Variants in IL27RA observed in about 807,000 individuals in gnomAD.
IL27RA encodes interleukin-27 receptor subunit alpha.
IL27RA carries 61 observed loss-of-function variants against 80.8 expected under a neutral mutation model. The ratio of observed to expected loss-of-function variants is 0.76; its 90% CI spans 0.61 to 0.93. The LOEUF (loss-of-function observed/expected upper bound fraction) is 0.93, where lower values mean the gene tolerates loss of function less well. Ranked by LOEUF, IL27RA falls within the 40% of genes least tolerant of loss-of-function variation. The probability of loss-of-function intolerance (pLI) is 0.00; values close to 1 mark genes in which losing one functional copy is unlikely to be tolerated. For missense variants in IL27RA, 735 were observed against 808.1 expected, an observed-to-expected ratio of 0.91 and a Z score of 1.10; for synonymous variants, 316 against 332.5, an observed-to-expected ratio of 0.95 and a Z score of 0.54.
chr19:14,033,676 A>T (rs185614483), intron 2 of IL27RA, among the ~76,000 whole-genome samples: 23 of 126,002 alleles, frequency 1.8e-4, no homozygotes, highest in Non-Finnish European at 3.4e-4. Flanking sequence ...AAAAAATTTT[A>T]AAAAATAAAA....
intron 2 of IL27RA, among the ~76,000 whole-genome samples, chr19:14,034,592 AG>A (rs1305483839): frequency 6.6e-6 from 1 of 151,002 alleles, no homozygotes; most frequent in African/African-American, 2.4e-5. Context: ...CTCGGGAGGC[AG>A]AGGTTGGAGT....
intron 1 of IL27RA, 100 bp from the exon 2 acceptor site, chr19:14,032,286 C>G: frequency 1.1e-6 from 1 of 928,790 alleles, no homozygotes; most frequent in Non-Finnish European, 1.7e-6. Flanking sequence ...TTCCCTAAGC[C>G]CCCCCACCTT....
chr19:14,033,838 C>T (rs1442268840), intron 2 of IL27RA, among the ~76,000 whole-genome samples: 1 of 151,514 alleles, frequency 6.6e-6, no homozygotes, highest in East Asian at 1.9e-4. Flanking sequence ...GTGGTGCATG[C>T]CTGTAATCCC....
intron 2 of IL27RA, among the ~76,000 whole-genome samples, chr19:14,034,952 CAA>C (rs71170590): frequency 1.2e-3 from 174 of 143,360 alleles, no homozygotes; most frequent in Middle Eastern, 3.5e-3. Flanking sequence ...GACTCCGTCT[CAA>C]AAAAAAAAAA....
Position 14,052,199 on chromosome 19 carries a change from C to T in IL27RA, c.1820C>T (p.Ala607Val), listed in dbSNP as rs377689784. 13 of 1,607,782 alleles carry T rather than the reference C, an allele frequency of 8.1e-6. No homozygotes were observed. The South Asian group carries it at 1.4e-4, about 18-fold the overall frequency. ...TCCTCCCAGCCCGCCCAGGCCACCG[C>T]CCCGCTTGACTCTGGGTATGAGAAG... ...MESSQPAQATAPLDSGYEKHF... is the reference protein window; with the variant it reads ...MESSQPAQATVPLDSGYEKHF... The change falls in exon 14 of 14, where the codon GCC becomes GTC. Residue 607 changes from alanine to valine, a missense_variant. Physicochemically the swap from Ala to Val is moderately conservative, Grantham distance 64. Coordinates refer to ENST00000263379, the MANE Select transcript of IL27RA (RefSeq NM_004843.4).
chr19:14,041,595 AGTTCCCTC>A (rs1230563125), intron 4 of IL27RA, among the ~76,000 whole-genome samples: 1 of 152,154 alleles, frequency 6.6e-6, no homozygotes, highest in East Asian at 1.9e-4. Context: ...TCTGGGCCTC[AGTTCCCTC>A]GTCTGTAAAA....
In IL27RA at chr19:14,044,781, T is replaced by C. The variant is rs62122122; in HGVS notation, c.769-1373T>C. Among the ~76,000 whole-genome samples, 807 of 150,772 alleles carry C rather than the reference T, an allele frequency of 5.4e-3. 7 individuals are homozygous for C. The highest frequency in any genetic ancestry group is 7.5e-3 in the Non-Finnish European group (509 of 67,706). On this transcript the variant is annotated intron_variant, in intron 6 of 13. Transcript: ENST00000263379. ...CAGGAGGACCACTTGAGGCCAGGAG[T>C]TCGAGACCAGCCTGGGCAACATAGC...
intron 2 of IL27RA, among the ~76,000 whole-genome samples, chr19:14,036,489 CTT>C (rs34609073): frequency 2.2e-4 from 30 of 135,328 alleles, no homozygotes; most frequent in Non-Finnish European, 2.5e-4. Flanking sequence ...ACAGGATTTC[CTT>C]TTTTTTTTTT....
At chr19:14,044,708 C>G (rs959870436) in intron 6 of IL27RA, among the ~76,000 whole-genome samples, 1 of 151,134 alleles carries the variant, frequency 6.6e-6, no homozygotes, top group African/African-American at 2.4e-5. Context: ...TATTTTGGAC[C>G]GAGTGGGTGG....
At chr19:14,032,340 G>T (rs191805050) in intron 1 of IL27RA, 46 bp from the exon 2 acceptor site, 2 of 1,425,380 alleles carry the variant, frequency 1.4e-6, no homozygotes, top group South Asian at 1.2e-5. Flanking sequence ...AGGCGGAAGG[G>T]GGGGATTCGA....
chr19:14,044,306 C>T (rs1976032623), intron 6 of IL27RA, among the ~76,000 whole-genome samples: 1 of 151,826 alleles, frequency 6.6e-6, no homozygotes, highest in Admixed American at 6.6e-5. Context: ...ATGGGGCGAT[C>T]TTGGCTCACC....
rs1220906608 is a variant in IL27RA, at chr19:14,049,031, G to A, written c.1192G>A (p.Ala398Thr). 1 of 1,614,006 alleles carries A rather than the reference G, an allele frequency of 6.2e-7. No homozygotes were observed. Among genetic ancestry groups the A allele is most frequent in the Non-Finnish European group, 8.5e-7 (1 of 1,179,952 alleles). Residue 398 changes from alanine to threonine, a missense_variant, in exon 9 of 14, where the codon GCT becomes ACT. Physicochemically the swap from Ala to Thr is moderately conservative, Grantham distance 58. Coordinates refer to ENST00000263379, the MANE Select transcript of IL27RA (RefSeq NM_004843.4). ...TCGAATCACTGTGACCGCAGTCTCT[G>A]CTTCAGGCTTGGCCTCTGCATCCTC... The part of the protein sequence containing the change: ...PYRITVTAVS[A>T]SGLASASSVW...
chr19:14,050,891 G>A lies in IL27RA; in HGVS notation c.1528+8G>A. 1.9e-6 allele frequency: 3 copies of A among 1,602,104 alleles called. No individual in the cohort carries two copies. Among genetic ancestry groups the A allele is most frequent in the South Asian group, 1.1e-5 (1 of 90,420 alleles). ...TCCGGCTTCATCTACCAGGTAGGGGGGTTGGGATGGGATTGCCACAGGGAG... is the reference window on the plus strand; with the variant it reads ...TCCGGCTTCATCTACCAGGTAGGGGAGTTGGGATGGGATTGCCACAGGGAG... On this transcript the variant is annotated splice_region_variant and intron_variant, in intron 11 of 13. Coordinates refer to ENST00000263379, the MANE Select transcript of IL27RA (RefSeq NM_004843.4).
chr19:14,049,175 G>C lies in IL27RA; in HGVS notation c.1263G>C (p.Thr421=). 1 of 1,614,034 alleles carries C rather than the reference G, an allele frequency of 6.2e-7. No homozygotes were observed. The highest frequency in any genetic ancestry group is 8.5e-7 in the Non-Finnish European group (1 of 1,179,942). ...CCCCAGCACCCCTAGTGGGGCCAACGCTTTGGCGACTCCAAGATGCCCCTC... is the reference window on the plus strand; with the variant it reads ...CCCCAGCACCCCTAGTGGGGCCAACCCTTTGGCGACTCCAAGATGCCCCTC... ...REELAPLVGP[T]LWRLQDAPPG... Residue 421 remains threonine (T), a synonymous_variant, in exon 10 of 14, where the codon ACG becomes ACC. Transcript: ENST00000263379.
At chr19:14,047,657 CTTT>C (rs757895872) in intron 8 of IL27RA, among the ~76,000 whole-genome samples, 7 of 108,168 alleles carry the variant, frequency 6.5e-5, no homozygotes, top group Non-Finnish European at 7.2e-5. Context: ...ATGCCTGGCC[CTTT>C]TTTTTTTTTT....
chr19:14,044,772 G>A (rs1976039502), intron 6 of IL27RA, among the ~76,000 whole-genome samples: 1 of 151,396 alleles, frequency 6.6e-6, no homozygotes, highest in Admixed American at 6.6e-5. Context: ...GACCACTTGA[G>A]GCCAGGAGTT....
chr19:14,046,639 G>T (rs1568502749), intron 8 of IL27RA, 21 bp downstream of exon 8: 4 of 1,570,444 alleles, frequency 2.5e-6, no homozygotes, highest in South Asian at 1.2e-5. Flanking sequence ...GGGACACCTG[G>T]GTCTCCATCC....
chr19:14,048,928 G>T, intron 8 of IL27RA, 53 bp from the exon 9 acceptor site: 1 of 1,479,532 alleles, frequency 6.8e-7, no homozygotes, highest in South Asian at 1.1e-5. Flanking sequence ...CCTAGGAAAT[G>T]AGCATGGGAA....
chr19:14,032,664 G>T (rs1352228505), intron 2 of IL27RA, among the ~76,000 whole-genome samples, 161 bp downstream of exon 2: 1 of 146,526 alleles, frequency 6.8e-6, no homozygotes, highest in Non-Finnish European at 1.5e-5. Flanking sequence ...AAATTACCCA[G>T]GGGTGGTGGC....
Sources: gnomAD v4.1 joint callset for allele counts (sites outside exome capture counted in the v4.1 genomes callset) on GRCh38, gnomAD v4.1.1 for gene constraint, MANE v1.5 for transcripts, NCBI Gene and HGNC (gene_info 2026-07-23, HGNC 2026-07-21) for gene names.